EYS: variants seen among roughly 807,000 people sequenced by gnomAD.
The protein encoded by EYS is protein eyes shut homolog.
A neutral mutation model predicts 282.1 loss-of-function variants in EYS; 250 were observed. The observed-to-expected ratio is 0.89, with a 90% CI of 0.80 to 0.98. The LOEUF (loss-of-function observed/expected upper bound fraction) is 0.98, where lower values mean the gene tolerates loss of function less well. Ranked by LOEUF, EYS falls within the 50% of genes least tolerant of loss-of-function variation. The pLI, the probability that EYS is intolerant of heterozygous loss-of-function variation, is 0.00. For missense variants in EYS, 4,016 were observed against 3,709.0 expected (o/e 1.08, Z -2.15); for synonymous variants, 1,355 against 1,282.9 (o/e 1.06, Z -1.20).
intron 14 of EYS, among the ~76,000 whole-genome samples, chr6:64,950,798 CATATATATATATATATATAT>C (rs1171736217): frequency 1.8e-5 from 1 of 54,232 alleles, no homozygotes; most frequent in African/African-American, 7.3e-5. Context: ...TATACATATA[CATATATATATATATATATAT>C]ATATATATAT....
chr6:65,083,604 C>G (rs1774284974), intron 12 of EYS, among the ~76,000 whole-genome samples: 1 of 151,742 alleles, frequency 6.6e-6, no homozygotes, highest in Non-Finnish European at 1.5e-5. Context: ...ATAACTGTTA[C>G]TTTTTCAACC....
chr6:65,492,938 A>G (rs187692541), intron 4 of EYS, among the ~76,000 whole-genome samples: 5 of 152,172 alleles, frequency 3.3e-5, no homozygotes, highest in Admixed American at 6.5e-5. Context: ...TTATTTTTTG[A>G]GACAGTCTCC....
intron 26 of EYS, among the ~76,000 whole-genome samples, chr6:64,545,977 C>T (rs1017547398): frequency 1.3e-5 from 2 of 152,184 alleles, no homozygotes; most frequent in Non-Finnish European, 2.9e-5. Context: ...ATGCCATCCC[C>T]ATCAAGTTAA....
intron 12 of EYS, among the ~76,000 whole-genome samples, chr6:65,180,446 C>A (rs553764866): frequency 4.6e-5 from 7 of 151,940 alleles, no homozygotes; most frequent in African/African-American, 1.5e-4. Context: ...TGAGTGAACT[C>A]CCATTCACAA....
At chr6:65,395,213 G>A (rs1005365596) in intron 7 of EYS, among the ~76,000 whole-genome samples, 77 of 152,152 alleles carry the variant, frequency 5.1e-4, no homozygotes, top group African/African-American at 1.6e-3. Context: ...AAAGGCATGC[G>A]CCACCATGCC....
chr6:65,496,520 G>A (rs758468518), intron 2 of EYS, among the ~76,000 whole-genome samples: 17 of 144,008 alleles, frequency 1.2e-4, no homozygotes, highest in African/African-American at 3.7e-4. Flanking sequence ...TGAAAAAAAC[G>A]TGTTCTTTGG....
intron 30 of EYS, among the ~76,000 whole-genome samples, chr6:64,253,460 G>C (rs565207398): frequency 1.3e-5 from 2 of 152,156 alleles, no homozygotes; most frequent in African/African-American, 2.4e-5. Context: ...TTTCTTGTGA[G>C]AGCAACAAAC....
intron 22 of EYS, among the ~76,000 whole-genome samples, chr6:64,669,375 G>C (rs530529349): frequency 4.1e-4 from 63 of 152,264 alleles, no homozygotes; most frequent in African/African-American, 1.4e-3. Context: ...GAGAGAGAGA[G>C]ATAGGTTTGC....
chr6:64,915,173 AAAC>A (rs1346361514), intron 15 of EYS, among the ~76,000 whole-genome samples: 1 of 152,108 alleles, frequency 6.6e-6, no homozygotes, highest in Non-Finnish European at 1.5e-5. Context: ...AAACAAAACA[AAAC>A]AAACAACTAT....
At chr6:64,464,545 A>G (rs1287529980) in intron 26 of EYS, among the ~76,000 whole-genome samples, 1 of 152,128 alleles carries the variant, frequency 6.6e-6, no homozygotes, top group Non-Finnish European at 1.5e-5. Context: ...GGAAACACTA[A>G]AGACTCAACT....
At chr6:65,637,816 C>T (rs1157802151) in intron 2 of EYS, among the ~76,000 whole-genome samples, 4 of 152,104 alleles carry the variant, frequency 2.6e-5, no homozygotes, top group African/African-American at 4.8e-5. Context: ...GGGAGGCTGG[C>T]GGGCGTGGTG....
chr6:65,164,084 A>T (rs1764912982), intron 12 of EYS, among the ~76,000 whole-genome samples: 1 of 151,366 alleles, frequency 6.6e-6, no homozygotes, highest in Admixed American at 6.6e-5. Flanking sequence ...AAAAATGAAT[A>T]TTACAATATT....
chr6:63,834,897 T>G (rs1258638347), intron 36 of EYS, among the ~76,000 whole-genome samples: 7 of 151,720 alleles, frequency 4.6e-5, no homozygotes, highest in African/African-American at 1.7e-4. Flanking sequence ...TTCATGTCCT[T>G]TGTAGGGACA....
rs886375787 is a variant in EYS, at chr6:65,284,370, C to CT, written c.2023+11492dup. On this transcript the variant is annotated intron_variant, in intron 12 of 42. Transcript: ENST00000503581. Reference sequence around the variant, plus strand: ...AGTTGCCATATGAAAAAAGCTACTACTTTTTTTTTGCAGGTGATTTTTAAA... The same window carrying CT: ...AGTTGCCATATGAAAAAAGCTACTACTTTTTTTTTTGCAGGTGATTTTTAAA... 1.7e-4 allele frequency among the ~76,000 whole-genome samples: 25 copies of CT among 151,312 alleles called. No individual in the cohort carries two copies. The South Asian group carries it at 2.1e-3, about 13-fold the overall frequency.
intron 31 of EYS, among the ~76,000 whole-genome samples, chr6:64,209,033 C>CCTCTTCAGAGTTTA (rs1765689147): frequency 6.6e-6 from 1 of 151,952 alleles, no homozygotes; most frequent in Admixed American, 6.6e-5. Flanking sequence ...ATATATTTTG[C>CCTCTTCAGAGTTTA]ATTGACATTT....
chr6:65,006,155 C>A (rs550634911), intron 13 of EYS, among the ~76,000 whole-genome samples: 35 of 152,026 alleles, frequency 2.3e-4, no homozygotes, highest in African/African-American at 8.4e-4. Context: ...CCGTTCCCCA[C>A]CACCTGTGCC....
At chr6:64,939,691 C>A (rs1285285548) in intron 15 of EYS, among the ~76,000 whole-genome samples, 2 of 151,866 alleles carry the variant, frequency 1.3e-5, no homozygotes, top group Non-Finnish European at 2.9e-5. Flanking sequence ...CACACATACA[C>A]ACGTGTATTT....
rs761495446 is a variant in EYS, at chr6:64,367,380, A to G, written c.6078+21310T>C. 9.2e-4 allele frequency among the ~76,000 whole-genome samples: 140 copies of G among 152,164 alleles called. 1 individual carries two copies. The highest frequency in any genetic ancestry group is 6.6e-4 in the Non-Finnish European group (45 of 67,992). The stretch of plus-strand genomic sequence containing the variant: ...AAGGAAACCCACAACTAAAAAAATT[A>G]TATATATTTGTAATACAATGGACAG... On this transcript the variant is annotated intron_variant, in intron 29 of 42. Transcript: ENST00000503581.
intron 30 of EYS, among the ~76,000 whole-genome samples, chr6:64,270,438 G>T (rs1767905531): frequency 6.6e-6 from 1 of 151,774 alleles, no homozygotes; most frequent in Admixed American, 6.6e-5. Context: ...ATTTATTTGG[G>T]GTATTGAGAG....
Sources: gnomAD v4.1 joint callset for allele counts (sites outside exome capture counted in the v4.1 genomes callset) on GRCh38, gnomAD v4.1.1 for gene constraint, MANE v1.5 for transcripts, NCBI Gene and HGNC (gene_info 2026-07-23, HGNC 2026-07-21) for gene names.